The following USH2A variants were observed in gnomAD, a reference collection of about 807,000 sequenced individuals.
USH2A encodes usherin, also known as Usher syndrome 2A (autosomal recessive, mild).
In USH2A, 443 loss-of-function variants were observed where a neutral mutation model predicts 538.9. The observed-to-expected ratio is 0.82, with a 90% CI of 0.76 to 0.89. The LOEUF (loss-of-function observed/expected upper bound fraction) is 0.89, where lower values mean the gene tolerates loss of function less well. Among genes scored for constraint, USH2A ranks in the 40% least tolerant of loss-of-function variants. The pLI, the probability that USH2A is intolerant of heterozygous loss-of-function variation, is 0.00. For synonymous variants in USH2A, 2,413 were observed against 2,273.5 expected, an observed-to-expected ratio of 1.06 and a Z score of -1.75; for missense variants, 6,633 against 6,324.8, an observed-to-expected ratio of 1.05 and a Z score of -1.65.
intron 61 of USH2A, among the ~76,000 whole-genome samples, chr1:215,693,096 G>A (rs1279390395): frequency 1.1e-5 from 1 of 91,218 alleles, no homozygotes; most frequent in Non-Finnish European, 2.5e-5. Context: ...ATATATATGT[G>A]TGTGTGTGTG....
rs774559456 is a variant in USH2A, at chr1:215,889,016, T to A, written c.7633A>T (p.Lys2545Ter). The A allele has an allele frequency of 6.2e-7, 1 of 1,614,000 alleles. No individual in the cohort carries two copies. Among genetic ancestry groups the A allele is most frequent in the East Asian group, 2.2e-5 (1 of 44,850 alleles). ...CAGGTGACCAACATCATTCTTGACT[T>A]CACATCCAGAAGAATCGGAGGAACT... ...PVVPPILLDV[K>*]SRMMLVTWQH... Residue 2545 changes from lysine to a stop codon, truncating the protein, a stop_gained, in exon 41 of 72, where the codon AAG becomes TAG. Transcript: ENST00000307340. LOFTEE classifies it high-confidence loss of function.
At chr1:216,407,004 C>G (rs895508329) in intron 3 of USH2A, among the ~76,000 whole-genome samples, 1 of 152,132 alleles carries the variant, frequency 6.6e-6, no homozygotes, top group Non-Finnish European at 1.5e-5. Context: ...CCTTGGCTTT[C>G]CATCAAGGAA....
chr1:215,628,525 C>T (rs1333832308), intron 71 of USH2A, among the ~76,000 whole-genome samples: 5 of 152,132 alleles, frequency 3.3e-5, no homozygotes, highest in Admixed American at 6.5e-5. Flanking sequence ...TCAGGTGATC[C>T]GCCCACCTCG....
In USH2A at chr1:216,113,032, G is replaced by T. The variant is rs186898474; in HGVS notation, c.4628-15819C>A. 3.5e-4 allele frequency among the ~76,000 whole-genome samples: 53 copies of T among 150,240 alleles called. No individual in the cohort carries two copies. The South Asian group carries it at 0.011, about 31-fold the overall frequency. On this transcript the variant is annotated intron_variant, in intron 21 of 71. Coordinates refer to ENST00000307340, the MANE Select transcript of USH2A (RefSeq NM_206933.4). The stretch of plus-strand genomic sequence containing the variant: ...TTTAGATCAAAGAATGTTTTCTTTC[G>T]TCTTTTGAAATAATCCCCCATTCCT...
At chr1:215,944,431 TA>T (rs1177823168) in intron 37 of USH2A, among the ~76,000 whole-genome samples, 1 of 152,150 alleles carries the variant, frequency 6.6e-6, no homozygotes, top group Admixed American at 6.6e-5. Flanking sequence ...CTTGAGTAAA[TA>T]TTTTTTTTAA....
rs200696560 is a variant in USH2A, at chr1:215,798,916, G to A, written c.9949C>T (p.Arg3317Cys). ...GACCTGGGCCCCTTACCTGGAAGGCGATTGTACACCACTCCTTCTTCTCCA... is the reference window on the plus strand; with the variant it reads ...GACCTGGGCCCCTTACCTGGAAGGCAATTGTACACCACTCCTTCTTCTCCA... ...CGGEEGVVYNRLPGMFCCGQD... is the reference protein window; with the variant it reads ...CGGEEGVVYNCLPGMFCCGQD... The change falls in exon 50 of 72, where the codon CGC becomes TGC. Residue 3317 changes from arginine (R) to cysteine (C), a missense_variant. Arg to Cys is a radical substitution (Grantham distance 180, BLOSUM62 -3). Transcript: ENST00000307340. 90 of 1,613,882 alleles carry A rather than the reference G, an allele frequency of 5.6e-5. No individual in the cohort carries two copies. Among genetic ancestry groups the A allele is most frequent in the Non-Finnish European group, 7.0e-5 (83 of 1,179,984 alleles).
At chr1:215,720,227 A>G (rs1659615355) in intron 61 of USH2A, among the ~76,000 whole-genome samples, 2 of 152,154 alleles carry the variant, frequency 1.3e-5, no homozygotes, top group African/African-American at 2.4e-5. Flanking sequence ...CTTTGGTTAT[A>G]TCTTTCCCAC....
chr1:216,354,515 G>T (rs193122510), intron 4 of USH2A, among the ~76,000 whole-genome samples: 1 of 152,122 alleles, frequency 6.6e-6, no homozygotes, highest in East Asian at 1.9e-4. Flanking sequence ...CAAATAGATG[G>T]GTGAATTTGA....
chr1:216,390,205 A>C (rs1448923593), intron 3 of USH2A, among the ~76,000 whole-genome samples: 1 of 152,148 alleles, frequency 6.6e-6, no homozygotes, highest in Non-Finnish European at 1.5e-5. Flanking sequence ...TTTGCTTTAA[A>C]ATCATGATTT....
At chr1:216,413,521 G>C (rs568225512) in intron 3 of USH2A, among the ~76,000 whole-genome samples, 1 of 151,988 alleles carries the variant, frequency 6.6e-6, no homozygotes, top group African/African-American at 2.4e-5. Context: ...ACTATCAATA[G>C]TTTTTCTTTC....
At chr1:216,146,660 G>A (rs1039309443) in intron 21 of USH2A, among the ~76,000 whole-genome samples, 11 of 151,628 alleles carry the variant, frequency 7.3e-5, no homozygotes, top group Non-Finnish European at 1.3e-4. Flanking sequence ...CCTTATTTCC[G>A]CACCCTGACC....
At chr1:216,237,699 C>A (rs1024303592) in intron 13 of USH2A, among the ~76,000 whole-genome samples, 3 of 152,062 alleles carry the variant, frequency 2.0e-5, no homozygotes, top group Non-Finnish European at 4.4e-5. Flanking sequence ...CAGGCAAAAC[C>A]TTATCACAGA....
intron 37 of USH2A, among the ~76,000 whole-genome samples, chr1:215,960,592 G>A (rs915201949): frequency 6.6e-6 from 1 of 151,962 alleles, no homozygotes; most frequent in African/African-American, 2.4e-5. Context: ...AAACTAATTT[G>A]TTGATCATAT....
chr1:216,234,265 C>T (rs1011285750), intron 13 of USH2A, among the ~76,000 whole-genome samples: 1 of 151,988 alleles, frequency 6.6e-6, no homozygotes, highest in African/African-American at 2.4e-5. Flanking sequence ...TACAAAGTTT[C>T]AAGGGCAGCA....
chr1:216,183,323 C>A (rs926210090), intron 20 of USH2A, among the ~76,000 whole-genome samples: 6 of 151,302 alleles, frequency 4.0e-5, no homozygotes, highest in African/African-American at 1.5e-4. Flanking sequence ...TCTGGTATTA[C>A]AAGGAGTAGC....
At chr1:215,722,653 G>A (rs1659695234) in intron 61 of USH2A, among the ~76,000 whole-genome samples, 1 of 152,196 alleles carries the variant, frequency 6.6e-6, no homozygotes. Context: ...ACTAGAGTTA[G>A]TAATTCTGGA....
rs548744193 is a variant in USH2A at position 216,371,572 on chromosome 1, A to G, written c.652-6487T>C. On this transcript the variant is annotated intron_variant, in intron 3 of 71. Transcript: ENST00000307340. ...CATCTACTCAATGCTATACATGTAC[A>G]GTTGGCTTTGTGGACCCAAAGGTAG... Among the ~76,000 whole-genome samples the G allele has an allele frequency of 1.6e-4, 24 of 152,264 alleles. No homozygotes were observed. In the South Asian group the frequency reaches 3.7e-3, roughly 24 times the overall value.
chr1:215,910,703 T>A (rs191750538), intron 38 of USH2A, among the ~76,000 whole-genome samples: 6 of 152,016 alleles, frequency 3.9e-5, no homozygotes, highest in African/African-American at 1.4e-4. Flanking sequence ...GTAACATCAA[T>A]CAAAGTATCT....
At chr1:216,160,751 A>G (rs1416552947) in intron 21 of USH2A, among the ~76,000 whole-genome samples, 1 of 152,216 alleles carries the variant, frequency 6.6e-6, no homozygotes, top group Non-Finnish European at 1.5e-5. Context: ...CACATGTTTT[A>G]TATACAGATG....
Sources: allele counts gnomAD v4.1 joint callset (sites outside exome capture counted in the v4.1 genomes callset), GRCh38; gene constraint gnomAD v4.1.1; transcripts MANE v1.5; gene names NCBI Gene and HGNC (gene_info 2026-07-23, HGNC 2026-07-21).